The following CELF2 variants were observed in gnomAD, a reference collection of about 807,000 sequenced individuals.
CELF2 encodes the protein CUGBP Elav-like family member 2.
Under a neutral mutation model 62.6 loss-of-function variants are expected in CELF2, and 8 were observed. The observed-to-expected ratio is 0.13, with a 90% CI of 0.07 to 0.23. CELF2 has a LOEUF of 0.23. Ranked by LOEUF, CELF2 falls within the 10% of genes least tolerant of loss-of-function variation. The pLI is 1.00. For missense variants in CELF2, 333 were observed against 671.0 expected (o/e 0.50, Z 5.56); for synonymous variants, 258 against 250.0 (o/e 1.03, Z -0.30).
At chr10:10,697,353 A>G in the CELF2 span, among the ~76,000 whole-genome samples, 1 of 152,198 alleles carries the variant, frequency 6.6e-6, no homozygotes, top group South Asian at 2.1e-4. Context: ...TCCATTGTCA[A>G]TAAGGAGGGC....
chr10:11,164,584 A>G (rs576200837), intron 1 of CELF2, among the ~76,000 whole-genome samples: 1 of 152,176 alleles, frequency 6.6e-6, no homozygotes, highest in South Asian at 2.1e-4. Flanking sequence ...GAAGTCAGAT[A>G]TACAGAGAAC....
chr10:10,772,140 C>T, the CELF2 span, among the ~76,000 whole-genome samples: 2 of 151,904 alleles, frequency 1.3e-5, no homozygotes, highest in Non-Finnish European at 2.9e-5. Flanking sequence ...ATGTACCTTA[C>T]CGGAAGTATT....
At chr10:11,232,992 T>C (rs1462141060) in intron 3 of CELF2, among the ~76,000 whole-genome samples, 1 of 152,202 alleles carries the variant, frequency 6.6e-6, no homozygotes, top group Non-Finnish European at 1.5e-5. Flanking sequence ...TTATCTTGAC[T>C]CTGTTCTCTA....
At chr10:11,009,322 T>G (rs193192044) in intron 1 of CELF2, among the ~76,000 whole-genome samples, 1 of 134,146 alleles carries the variant, frequency 7.5e-6, no homozygotes, top group Non-Finnish European at 1.5e-5. Context: ...GGAAGTTGTG[T>G]GTGTGTGTGT....
At chr10:10,577,806 G>T in the CELF2 span, among the ~76,000 whole-genome samples, 2 of 151,964 alleles carry the variant, frequency 1.3e-5, no homozygotes, top group African/African-American at 4.8e-5. Flanking sequence ...TGTGAATATT[G>T]CCACAATAAA....
intron 9 of CELF2, among the ~76,000 whole-genome samples, chr10:11,293,602 G>A (rs958717105): frequency 6.6e-6 from 1 of 152,162 alleles, no homozygotes; most frequent in Non-Finnish European, 1.5e-5. Context: ...CCCCTCTCCT[G>A]TGCTCCCAGG....
At chr10:10,747,141 A>G in the CELF2 span, among the ~76,000 whole-genome samples, 1 of 152,198 alleles carries the variant, frequency 6.6e-6, no homozygotes, top group East Asian at 1.9e-4. Context: ...GATGTTGTCT[A>G]GGTAAGAGGT....
rs1591381107 is a variant in CELF2, at chr10:11,316,446, GA to G, written c.1096+2192del. ...TGCTGCTTGTCTCTAAATATCAACA[GA>G]AAACCTTCCAAGATAGAGTATCTTC... On this transcript the variant is annotated intron_variant, in intron 10 of 12. Transcript: ENST00000633077. The surrounding 1 kb of genome is among the most constrained non-coding windows in gnomAD (Gnocchi z 4.4). Among the ~76,000 whole-genome samples the G allele has an allele frequency of 2.0e-5, 3 of 152,204 alleles. No individual in the cohort carries two copies. The East Asian group carries it at 5.8e-4, about 29-fold the overall frequency.
At chr10:10,679,172 A>G in the CELF2 span, among the ~76,000 whole-genome samples, 1 of 152,234 alleles carries the variant, frequency 6.6e-6, no homozygotes. Flanking sequence ...ATGGTAGGAG[A>G]TGGTGCAGTA....
intron 1 of CELF2, among the ~76,000 whole-genome samples, chr10:11,132,273 A>G (rs898867525): frequency 2.0e-5 from 3 of 152,224 alleles, no homozygotes; most frequent in African/African-American, 2.4e-5. Flanking sequence ...AAGATCTATT[A>G]CTTAAAATGA....
chr10:11,215,531 GTCT>G (rs2063114969), intron 2 of CELF2, among the ~76,000 whole-genome samples: 1 of 151,010 alleles, frequency 6.6e-6, no homozygotes, highest in African/African-American at 2.4e-5. Flanking sequence ...GCATCCCTAA[GTCT>G]TCTTTTTTAA....
the CELF2 span, among the ~76,000 whole-genome samples, chr10:10,491,744 TTGAC>T: frequency 7.2e-5 from 11 of 152,218 alleles, no homozygotes; most frequent in Non-Finnish European, 1.5e-4. Flanking sequence ...TTAAGCCACA[TTGAC>T]AAAAGTGGTT....
chr10:11,068,122 T>G (rs2068661474), intron 1 of CELF2, among the ~76,000 whole-genome samples: 1 of 152,222 alleles, frequency 6.6e-6, no homozygotes, highest in Non-Finnish European at 1.5e-5. Context: ...TTTTCCCAGG[T>G]CCCTGTTGAG....
chr10:10,560,560 A>G, the CELF2 span, among the ~76,000 whole-genome samples: 2 of 152,128 alleles, frequency 1.3e-5, no homozygotes, highest in African/African-American at 4.8e-5. Context: ...GCACTTTTAC[A>G]CTGCTGGTGT....
At chr10:10,922,002 C>A (rs2064968861) in intron 2 of CELF2, among the ~76,000 whole-genome samples, 1 of 152,188 alleles carries the variant, frequency 6.6e-6, no homozygotes, top group South Asian at 2.1e-4. Flanking sequence ...TCATGAACAG[C>A]ACTGGAGAAC....
chr10:11,076,076 A>T (rs2071825117), intron 1 of CELF2, among the ~76,000 whole-genome samples: 1 of 151,894 alleles, frequency 6.6e-6, no homozygotes, highest in Non-Finnish European at 1.5e-5. Context: ...CATTGTGGGT[A>T]TTTTTGTTGT....
In CELF2 at chr10:10,978,034, G is replaced by GTT. The variant is rs527485788; in HGVS notation, c.89+58040_89+58041dup. The stretch of plus-strand genomic sequence containing the variant: ...GTGTTTTGGGTTTGGGTTTTTTTTT[G>GTT]TTTTTTGTTTTTTTTTTTCCAGAGA... On this transcript the variant is annotated intron_variant, in intron 2 of 13. Coordinates refer to the CELF2 transcript ENST00000636488. Among the ~76,000 whole-genome samples, 225 of 121,742 alleles carry GTT rather than the reference G, an allele frequency of 1.8e-3. 8 individuals carry two copies. The highest frequency in any genetic ancestry group is 3.7e-3 in the South Asian group (14 of 3,748). The allele number at this position is 121,742 out of a possible 152,430, so 79.9% of individuals were successfully genotyped here.
intron 1 of CELF2, among the ~76,000 whole-genome samples, chr10:10,895,776 T>G (rs1434766648): frequency 6.6e-6 from 1 of 152,088 alleles, no homozygotes; most frequent in Admixed American, 6.6e-5. Flanking sequence ...AATCATACTT[T>G]TGGAAAAAAA....
chr10:10,713,063 G>A, the CELF2 span, among the ~76,000 whole-genome samples: 1 of 152,122 alleles, frequency 6.6e-6, no homozygotes, highest in Non-Finnish European at 1.5e-5. Flanking sequence ...CCTTATTTCT[G>A]TTCTACAATA....
Sources: allele counts gnomAD v4.1 joint callset (sites outside exome capture counted in the v4.1 genomes callset), GRCh38; gene constraint gnomAD v4.1.1; non-coding constraint Gnocchi (gnomAD v3.1); transcripts MANE v1.5; gene names NCBI Gene and HGNC (gene_info 2026-07-23, HGNC 2026-07-21).